Variants in DPP10 observed in about 807,000 individuals in gnomAD.
DPP10 encodes dipeptidyl peptidase like 10.
A neutral mutation model predicts 120.9 loss-of-function variants in DPP10; 33 were observed. The ratio of observed to expected loss-of-function variants is 0.27; its 90% CI spans 0.21 to 0.37. The LOEUF (loss-of-function observed/expected upper bound fraction) is 0.37. Among genes scored for constraint, DPP10 ranks in the 10% least tolerant of loss-of-function variants. The probability of loss-of-function intolerance (pLI) is 1.00; values close to 1 mark genes in which losing one functional copy is unlikely to be tolerated. For missense variants in DPP10, 816 were observed against 942.8 expected, an observed-to-expected ratio of 0.87 and a Z score of 1.76; for synonymous variants, 337 against 326.1, an observed-to-expected ratio of 1.03 and a Z score of -0.36.
intron 5 of DPP10, among the ~76,000 whole-genome samples, chr2:115,599,661 C>T (rs529635628): frequency 9.2e-5 from 14 of 152,166 alleles, no homozygotes; most frequent in East Asian, 3.9e-4. Flanking sequence ...ATTAATACCT[C>T]GATATTGGGT....
At chr2:115,394,576 A>T (rs2067547491) in intron 3 of DPP10, among the ~76,000 whole-genome samples, 1 of 152,176 alleles carries the variant, frequency 6.6e-6, no homozygotes, top group Non-Finnish European at 1.5e-5. Flanking sequence ...TATTTATCCC[A>T]GCATAATACA....
chr2:115,257,866 T>C (rs937051919), intron 1 of DPP10, among the ~76,000 whole-genome samples: 1 of 152,186 alleles, frequency 6.6e-6, no homozygotes, highest in African/African-American at 2.4e-5. Flanking sequence ...AAGTCAGTAA[T>C]GTCAACAGAA....
At chr2:114,647,113 C>A (rs1696200139) in intron 1 of DPP10, among the ~76,000 whole-genome samples, 1 of 152,156 alleles carries the variant, frequency 6.6e-6, no homozygotes. Context: ...TCAACAGAAT[C>A]CTGAAGAAAG....
intron 3 of DPP10, among the ~76,000 whole-genome samples, chr2:115,434,761 T>C (rs1042762989): frequency 6.6e-6 from 1 of 151,744 alleles, no homozygotes; most frequent in Non-Finnish European, 1.5e-5. Flanking sequence ...TACTATACTG[T>C]CAATCACTAG....
chr2:114,626,951 C>G (rs1174916065), intron 1 of DPP10, among the ~76,000 whole-genome samples: 1 of 152,040 alleles, frequency 6.6e-6, no homozygotes, highest in East Asian at 1.9e-4. Flanking sequence ...CATACTATTT[C>G]ATGGGGTGAA....
intron 3 of DPP10, among the ~76,000 whole-genome samples, chr2:115,411,126 T>A (rs896698626): frequency 3.9e-5 from 6 of 152,066 alleles, no homozygotes; most frequent in Non-Finnish European, 2.9e-5. Flanking sequence ...AGATCAGGGG[T>A]TCGAGACCAG....
chr2:114,806,663 C>T lies in DPP10; in HGVS notation c.60+363825C>T, dbSNP rs12468942. ...AGTTATCACCAGACTTTTAATTTTA[C>T]CTATTTCCTAACCCCAAAAGCACAT... On this transcript the variant is annotated intron_variant, in intron 1 of 25. Coordinates refer to ENST00000410059, the MANE Select transcript of DPP10 (RefSeq NM_020868.6). Among the ~76,000 whole-genome samples the T allele has an allele frequency of 9.3e-4, 142 of 152,240 alleles. 1 individual carries two copies. The highest frequency in any genetic ancestry group is 1.5e-3 in the Non-Finnish European group (103 of 67,998).
At chr2:115,521,423 G>A (rs1440759674) in intron 4 of DPP10, among the ~76,000 whole-genome samples, 2 of 151,994 alleles carry the variant, frequency 1.3e-5, no homozygotes, top group African/African-American at 2.4e-5. Flanking sequence ...TATCCTTCAG[G>A]AGCGATAACA....
intron 1 of DPP10, among the ~76,000 whole-genome samples, chr2:114,451,993 G>C (rs1169373965): frequency 2.6e-5 from 4 of 152,134 alleles, no homozygotes; most frequent in Non-Finnish European, 5.9e-5. Flanking sequence ...CTTTCTTGAA[G>C]GTTATTAATA....
intron 1 of DPP10, among the ~76,000 whole-genome samples, chr2:114,995,562 T>TTATC (rs1233515463): frequency 2.6e-5 from 4 of 152,198 alleles, no homozygotes; most frequent in African/African-American, 9.7e-5. Flanking sequence ...AATAACCAGT[T>TTATC]TATCTACCTC....
chr2:115,791,560 C>A (rs1683990759), intron 19 of DPP10, among the ~76,000 whole-genome samples: 1 of 152,094 alleles, frequency 6.6e-6, no homozygotes, highest in Non-Finnish European at 1.5e-5. Flanking sequence ...TTCTTGCATC[C>A]CACATGGAGT....
chr2:115,781,581 G>A (rs1029886984), intron 16 of DPP10, among the ~76,000 whole-genome samples: 1 of 151,846 alleles, frequency 6.6e-6, no homozygotes, highest in Non-Finnish European at 1.5e-5. Flanking sequence ...AGATTAAATA[G>A]AACTCATGTG....
intron 5 of DPP10, among the ~76,000 whole-genome samples, chr2:115,649,666 A>C (rs2149373346): frequency 6.6e-6 from 1 of 152,254 alleles, no homozygotes; most frequent in Admixed American, 6.5e-5. Context: ...GCATTCTATT[A>C]CCAAGTGGAT....
At chr2:115,469,817 G>C (rs2074568737) in intron 3 of DPP10, among the ~76,000 whole-genome samples, 2 of 138,456 alleles carry the variant, frequency 1.4e-5, no homozygotes, top group African/African-American at 2.6e-5. Flanking sequence ...AGAATCACTT[G>C]AATCCGGGAG....
intron 1 of DPP10, among the ~76,000 whole-genome samples, chr2:114,960,364 G>T (rs1698517396): frequency 4.7e-5 from 1 of 21,060 alleles, no homozygotes; most frequent in African/African-American, 1.5e-4. Context: ...GAGTGTATGT[G>T]CGTATATATA....
At chr2:114,710,191 C>T (rs1700932417) in intron 1 of DPP10, among the ~76,000 whole-genome samples, 1 of 152,242 alleles carries the variant, frequency 6.6e-6, no homozygotes, top group Non-Finnish European at 1.5e-5. Flanking sequence ...TTCATTAGCA[C>T]ATACCTATGC....
At position 115,814,128 on chromosome 2, in the gene DPP10, C is replaced by G. The variant is rs977542406; in HGVS notation, c.1701-665C>G. Among the ~76,000 whole-genome samples, 3 of 152,058 alleles carry G rather than the reference C, an allele frequency of 2.0e-5. No individual in the cohort carries two copies. In the East Asian group the frequency reaches 5.8e-4, roughly 29 times the overall value. Reference sequence around the variant, plus strand: ...CATTCATGCTTTATTATTTATGTGTCTTTCTTTCCTTCTAGCTTTCAAGTT... The same window carrying G: ...CATTCATGCTTTATTATTTATGTGTGTTTCTTTCCTTCTAGCTTTCAAGTT... On this transcript the variant is annotated intron_variant, in intron 19 of 25. Coordinates refer to ENST00000410059, the MANE Select transcript of DPP10 (RefSeq NM_020868.6).
intron 1 of DPP10, among the ~76,000 whole-genome samples, chr2:114,508,344 C>T (rs188718556): frequency 5.9e-5 from 9 of 152,260 alleles, no homozygotes; most frequent in East Asian, 5.8e-4. Context: ...TACATGGAAA[C>T]GTAAATTATA....
intron 1 of DPP10, among the ~76,000 whole-genome samples, chr2:114,866,069 G>A (rs767539839): frequency 2.6e-5 from 4 of 151,300 alleles, no homozygotes; most frequent in South Asian, 4.2e-4. Flanking sequence ...CTGAGATCGC[G>A]CCACTGCACT....
Sources: allele counts gnomAD v4.1 joint callset (sites outside exome capture counted in the v4.1 genomes callset), GRCh38; gene constraint gnomAD v4.1.1; transcripts MANE v1.5; gene names NCBI Gene and HGNC (gene_info 2026-07-23, HGNC 2026-07-21).